The following C1orf21 variants were observed in gnomAD, a reference collection of about 807,000 sequenced individuals.
C1orf21 encodes chromosome 1 open reading frame 21.
C1orf21 carries 3 observed loss-of-function variants against 18.7 expected under a neutral mutation model. The observed-to-expected ratio is 0.16, with a 90% CI of 0.07 to 0.42. The LOEUF is 0.42. Ranked by LOEUF, C1orf21 falls within the 10% of genes least tolerant of loss-of-function variation. C1orf21 has a pLI of 0.99. For synonymous variants in C1orf21, 41 were observed against 46.4 expected, an observed-to-expected ratio of 0.88 and a Z score of 0.47; for missense variants, 104 against 143.6, an observed-to-expected ratio of 0.72 and a Z score of 1.41.
At chr1:184,505,599 TA>T (rs1329086973) in intron 2 of C1orf21, among the ~76,000 whole-genome samples, 1 of 151,510 alleles carries the variant, frequency 6.6e-6, no homozygotes, top group Non-Finnish European at 1.5e-5. Flanking sequence ...CCGTCTCTAC[TA>T]AAAATACAAA....
chr1:184,534,793 A>G (rs1327989175), intron 3 of C1orf21, among the ~76,000 whole-genome samples: 1 of 152,132 alleles, frequency 6.6e-6, no homozygotes, highest in African/African-American at 2.4e-5. Context: ...TAGAGGTAGG[A>G]AAGTCTAGGA....
At chr1:184,445,630 A>G (rs1347691046) in intron 1 of C1orf21, among the ~76,000 whole-genome samples, 1 of 152,058 alleles carries the variant, frequency 6.6e-6, no homozygotes, top group Non-Finnish European at 1.5e-5. Flanking sequence ...TGAAAAAAAA[A>G]TTTGTTCTTT....
chr1:184,465,702 G>C (rs140062037), intron 1 of C1orf21, among the ~76,000 whole-genome samples: 15 of 152,276 alleles, frequency 9.9e-5, no homozygotes, highest in African/African-American at 3.6e-4. Context: ...CCAATGGAGG[G>C]CTCACAGAGA....
At chr1:184,556,949 C>T (rs1658887345) in intron 3 of C1orf21, among the ~76,000 whole-genome samples, 1 of 152,202 alleles carries the variant, frequency 6.6e-6, no homozygotes, top group South Asian at 2.1e-4. Context: ...ATTTCCCCTC[C>T]CACTCTGTTC....
chr1:184,491,281 C>T (rs1657813162), intron 2 of C1orf21, among the ~76,000 whole-genome samples: 1 of 151,062 alleles, frequency 6.6e-6, no homozygotes, highest in African/African-American at 2.4e-5. Context: ...TCAGAAAAAG[C>T]AAAACTTTTT....
intron 2 of C1orf21, among the ~76,000 whole-genome samples, chr1:184,495,124 T>G (rs1336365361): frequency 6.6e-6 from 1 of 152,236 alleles, no homozygotes; most frequent in Admixed American, 6.5e-5. Flanking sequence ...TTTAGCAAGT[T>G]TCTTAAGGGC....
chr1:184,416,037 A>T (rs934730828), intron 1 of C1orf21, among the ~76,000 whole-genome samples: 2 of 152,200 alleles, frequency 1.3e-5, no homozygotes, highest in African/African-American at 4.8e-5. Flanking sequence ...GTCCTAGGCA[A>T]AAAGGATTGC....
chr1:184,481,169 TA>T (rs923196743), intron 2 of C1orf21, among the ~76,000 whole-genome samples: 25 of 151,192 alleles, frequency 1.7e-4, no homozygotes, highest in South Asian at 6.3e-4. Flanking sequence ...AGAAATAACT[TA>T]AAAAAAAACT....
At chr1:184,550,684 G>A (rs1313845972) in intron 3 of C1orf21, among the ~76,000 whole-genome samples, 2 of 152,138 alleles carry the variant, frequency 1.3e-5, no homozygotes, top group African/African-American at 4.8e-5. Context: ...TCAGGTGCAT[G>A]CCACCTAGCC....
intron 1 of C1orf21, among the ~76,000 whole-genome samples, chr1:184,397,503 G>A (rs974518362): frequency 2.0e-5 from 3 of 151,798 alleles, no homozygotes; most frequent in Admixed American, 6.6e-5. Flanking sequence ...GGAGAATGTC[G>A]TGAACCCAGG....
chr1:184,451,202 A>AT (rs1657114991), intron 1 of C1orf21, among the ~76,000 whole-genome samples: 1 of 152,140 alleles, frequency 6.6e-6, no homozygotes, highest in African/African-American at 2.4e-5. Flanking sequence ...TAAGCCTATG[A>AT]TTTTTTTAAA....
chr1:184,627,415 T>C lies in C1orf21; in HGVS notation c.*7859T>C, dbSNP rs148249999. The C allele has an allele frequency of 1.3e-5, 2 of 151,956 alleles. No individual in the cohort carries two copies. Among genetic ancestry groups the C allele is most frequent in the South Asian group, 2.1e-4 (1 of 4,796 alleles). 9.4% of individuals were successfully genotyped at this position (151,956 alleles called of 1,614,324 possible). ...TGTTTCCAGAAACTCAAGAAAAAGC[T>C]CAAACAGAAGACAGTTCCCCTGAGA... On this transcript the variant is annotated 3_prime_UTR_variant, in exon 6 of 6. Coordinates refer to ENST00000235307, the MANE Select transcript of C1orf21 (RefSeq NM_030806.4).
intron 3 of C1orf21, among the ~76,000 whole-genome samples, chr1:184,587,165 A>G (rs1481532635): frequency 1.3e-5 from 2 of 151,098 alleles, no homozygotes; most frequent in Non-Finnish European, 2.9e-5. Flanking sequence ...TACCAGTACC[A>G]TGCTGTTTTG....
chr1:184,534,271 G>A (rs1658513819), intron 3 of C1orf21, among the ~76,000 whole-genome samples: 1 of 152,142 alleles, frequency 6.6e-6, no homozygotes, highest in African/African-American at 2.4e-5. Context: ...ATTTAGAAAG[G>A]GAAAAAGAAA....
At chr1:184,492,325 G>A (rs1657828427) in intron 2 of C1orf21, among the ~76,000 whole-genome samples, 1 of 152,130 alleles carries the variant, frequency 6.6e-6, no homozygotes, top group African/African-American at 2.4e-5. Context: ...GATTGCTATG[G>A]GAGTGTTGAG....
At chr1:184,463,939 A>C (rs1466075957) in intron 1 of C1orf21, among the ~76,000 whole-genome samples, 2 of 152,176 alleles carry the variant, frequency 1.3e-5, no homozygotes, top group Admixed American at 6.5e-5. Flanking sequence ...TGGACCTTGA[A>C]GGTTGGGTAG....
intron 3 of C1orf21, among the ~76,000 whole-genome samples, chr1:184,535,713 C>G (rs1218215339): frequency 1.3e-5 from 2 of 152,142 alleles, no homozygotes; most frequent in African/African-American, 4.8e-5. Context: ...AAGCTGGGTA[C>G]TTTCACCACT....
chr1:184,572,653 T>TA (rs1269180348), intron 3 of C1orf21, among the ~76,000 whole-genome samples: 6 of 152,112 alleles, frequency 3.9e-5, no homozygotes, highest in Admixed American at 2.6e-4. Context: ...AAGATTTTTT[T>TA]TAAAAAAATT....
chr1:184,428,123 C>T (rs1282229214), intron 1 of C1orf21, among the ~76,000 whole-genome samples: 1 of 152,162 alleles, frequency 6.6e-6, no homozygotes, highest in Non-Finnish European at 1.5e-5. Context: ...GTATCAGTAC[C>T]TTCCTGACCA....
Sources: gnomAD v4.1 joint callset for allele counts (sites outside exome capture counted in the v4.1 genomes callset) on GRCh38, gnomAD v4.1.1 for gene constraint, MANE v1.5 for transcripts, NCBI Gene and HGNC (gene_info 2026-07-23, HGNC 2026-07-21) for gene names.